HTR1F: variants seen among roughly 807,000 people sequenced by gnomAD.
HTR1F encodes the protein 5-hydroxytryptamine (serotonin) receptor 1F, G protein-coupled.
HTR1F carries 17 observed loss-of-function variants against 24.0 expected under a neutral mutation model. The observed-to-expected ratio is 0.71, with a 90% confidence interval of 0.48 to 1.06. HTR1F has a LOEUF of 1.06. Ranked by LOEUF, HTR1F falls within the 50% of genes least tolerant of loss-of-function variation. HTR1F has a pLI of 0.00. For synonymous variants in HTR1F, 186 were observed against 156.8 expected, an observed-to-expected ratio of 1.19 and a Z score of -1.39; for missense variants, 391 against 427.8, an observed-to-expected ratio of 0.91 and a Z score of 0.76.
chr3:87,805,784 C>T (rs994904034), intron 1 of HTR1F, among the ~76,000 whole-genome samples: 11 of 151,992 alleles, frequency 7.2e-5, no homozygotes, highest in Non-Finnish European at 1.0e-4. Flanking sequence ...ATATCCTGCA[C>T]GTGTACCCTG....
chr3:87,803,586 T>C (rs147875178), intron 1 of HTR1F, among the ~76,000 whole-genome samples: 1 of 152,264 alleles, frequency 6.6e-6, no homozygotes, highest in East Asian at 1.9e-4. Flanking sequence ...GGAACATTAC[T>C]CAGAAGCAGC....
chr3:87,873,131 C>CAGAG (rs201205553), intron 2 of HTR1F, among the ~76,000 whole-genome samples: 51 of 112,462 alleles, frequency 4.5e-4, no homozygotes, highest in Middle Eastern at 4.8e-3. Flanking sequence ...CACACACACA[C>CAGAG]ACAGAGAGAT....
chr3:87,911,042 C>T (rs1703767656), intron 2 of HTR1F, among the ~76,000 whole-genome samples: 1 of 151,874 alleles, frequency 6.6e-6, no homozygotes, highest in Non-Finnish European at 1.5e-5. Context: ...AAATTAACAA[C>T]CTAAGATCAC....
At position 87,879,537 on chromosome 3, in the gene HTR1F, C is replaced by A. The variant is rs541052733; in HGVS notation, c.-43+57413C>A. 2.6e-4 allele frequency among the ~76,000 whole-genome samples: 40 copies of A among 152,200 alleles called. 1 individual carries two copies. In the South Asian group the frequency reaches 5.6e-3, roughly 21 times the overall value. On this transcript the variant is annotated intron_variant, in intron 2 of 2. Coordinates refer to ENST00000319595, the MANE Select transcript of HTR1F (RefSeq NM_001322209.2). ...ACCCTCTCTCCCCTCCCCACACACA[C>A]CCTTGAATGATATTTTTAATTATAT...
At chr3:87,838,676 G>T (rs770725535) in intron 2 of HTR1F, among the ~76,000 whole-genome samples, 6 of 151,960 alleles carry the variant, frequency 3.9e-5, no homozygotes, top group African/African-American at 9.7e-5. Flanking sequence ...AATGAAAACC[G>T]ATTGAACTGT....
chr3:87,918,405 A>G (rs1433846067), intron 2 of HTR1F, among the ~76,000 whole-genome samples: 1 of 152,124 alleles, frequency 6.6e-6, no homozygotes, highest in Admixed American at 6.6e-5. Flanking sequence ...AAGAAAGGGC[A>G]TCCAAATTAG....
At chr3:87,911,933 C>T (rs1703786802) in intron 2 of HTR1F, among the ~76,000 whole-genome samples, 1 of 151,948 alleles carries the variant, frequency 6.6e-6, no homozygotes, top group Non-Finnish European at 1.5e-5. Context: ...TAATGAGAGC[C>T]ATCTATAACA....
chr3:87,863,924 A>G (rs1705368593), intron 2 of HTR1F, among the ~76,000 whole-genome samples: 1 of 152,174 alleles, frequency 6.6e-6, no homozygotes, highest in Admixed American at 6.6e-5. Context: ...TTCTTTTCTG[A>G]AGACCTTCAA....
chr3:87,944,279 C>T (rs56381224), intron 2 of HTR1F, among the ~76,000 whole-genome samples: 20,875 of 152,196 alleles, frequency 0.14, 1,450 homozygotes, highest in Non-Finnish European at 0.16. Context: ...AGCAACAGTT[C>T]TTATGCAAAT....
chr3:87,840,297 G>A (rs545453644), intron 2 of HTR1F, among the ~76,000 whole-genome samples: 21 of 152,216 alleles, frequency 1.4e-4, no homozygotes, highest in African/African-American at 5.1e-4. Context: ...TTCTATAGAA[G>A]TCATGTAAAT....
At chr3:87,960,036 G>C (rs142054231) in intron 2 of HTR1F, among the ~76,000 whole-genome samples, 14 of 151,676 alleles carry the variant, frequency 9.2e-5, no homozygotes, top group African/African-American at 3.4e-4. Context: ...TTCTCATCTT[G>C]ATCCTTAAAA....
chr3:87,804,620 C>T (rs1421109791), intron 1 of HTR1F, among the ~76,000 whole-genome samples: 2 of 151,948 alleles, frequency 1.3e-5, no homozygotes, highest in African/African-American at 2.4e-5. Flanking sequence ...TTGAATTTCT[C>T]CTTTTTGAGT....
chr3:87,987,368 T>C (rs568172392), intron 2 of HTR1F, among the ~76,000 whole-genome samples: 14 of 151,694 alleles, frequency 9.2e-5, no homozygotes, highest in South Asian at 4.2e-4. Flanking sequence ...CAAGGGAAAA[T>C]AGCTAAAGAC....
chr3:87,894,559 C>CTTTTTTTT (rs35190252), intron 2 of HTR1F, among the ~76,000 whole-genome samples: 4 of 74,656 alleles, frequency 5.4e-5, no homozygotes, highest in Non-Finnish European at 7.1e-5. Flanking sequence ...TGCCCAGCCT[C>CTTTTTTTT]TTTTTTTTTT....
rs370439117 is a variant in HTR1F at position 87,841,923 on chromosome 3, GAAA to G, written c.-43+19812_-43+19814del. Among the ~76,000 whole-genome samples the G allele has an allele frequency of 7.6e-4, 87 of 114,964 alleles. 2 individuals carry two copies. The highest frequency in any genetic ancestry group is 2.6e-3 in the African/African-American group (83 of 32,008). 75.4% of individuals were successfully genotyped at this position (114,964 alleles called of 152,430 possible). On this transcript the variant is annotated intron_variant, in intron 2 of 2. Transcript: ENST00000319595. ...CTCAAAAAAAAAAAAAAAAGAAAAA[GAAA>G]AAAAAAAAAAAACTAAACTAACATA...
chr3:87,983,011 C>T (rs1292055552), intron 2 of HTR1F, among the ~76,000 whole-genome samples: 1 of 152,064 alleles, frequency 6.6e-6, no homozygotes, highest in East Asian at 1.9e-4. Flanking sequence ...GCTTGGGGAG[C>T]ACGTGAATAT....
chr3:87,947,239 G>A (rs1237947537), intron 2 of HTR1F, among the ~76,000 whole-genome samples: 1 of 151,982 alleles, frequency 6.6e-6, no homozygotes, highest in Non-Finnish European at 1.5e-5. Context: ...TTTTATTACT[G>A]GAAGGACAAT....
chr3:87,920,479 C>G (rs867837144), intron 2 of HTR1F, among the ~76,000 whole-genome samples: 37 of 151,888 alleles, frequency 2.4e-4, no homozygotes, highest in African/African-American at 7.7e-4. Flanking sequence ...TTCTGCATGC[C>G]TCCCAGGATA....
At chr3:87,966,645 T>G (rs1384571346) in intron 2 of HTR1F, among the ~76,000 whole-genome samples, 2 of 150,598 alleles carry the variant, frequency 1.3e-5, no homozygotes, top group African/African-American at 2.5e-5. Flanking sequence ...TCTTCATTAG[T>G]GATCTAAGAA....
Sources: gnomAD v4.1 joint callset for allele counts (sites outside exome capture counted in the v4.1 genomes callset) on GRCh38, gnomAD v4.1.1 for gene constraint, MANE v1.5 for transcripts, NCBI Gene and HGNC (gene_info 2026-07-23, HGNC 2026-07-21) for gene names.